Variants in NCKAP5 observed in about 807,000 individuals in gnomAD.
NCKAP5 encodes the protein nck-associated protein 5.
NCKAP5 carries 92 observed loss-of-function variants against 167.0 expected under a neutral mutation model. The observed-to-expected ratio is 0.55, with a 90% CI of 0.47 to 0.66. The LOEUF (loss-of-function observed/expected upper bound fraction) is 0.66, where lower values mean the gene tolerates loss of function less well. NCKAP5 is among the 30% of genes least tolerant of loss of function. The pLI is 0.00. For missense variants in NCKAP5, 2,378 were observed against 2,315.0 expected, an observed-to-expected ratio of 1.03 and a Z score of -0.56; for synonymous variants, 891 against 877.4, an observed-to-expected ratio of 1.02 and a Z score of -0.27.
chr2:132,864,354 A>G, intron 10 of NCKAP5, among the ~76,000 whole-genome samples: 1 of 956 alleles, frequency 1.0e-3, no homozygotes, highest in East Asian at 0.5. Context: ...AATATCATGA[A>G]AAAAAAAAAG....
chr2:133,278,045 C>G (rs1035481451), intron 4 of NCKAP5, among the ~76,000 whole-genome samples: 1 of 152,098 alleles, frequency 6.6e-6, no homozygotes, highest in African/African-American at 2.4e-5. Flanking sequence ...GAATAAAAAA[C>G]CACAGGTGAA....
rs529118710 is a variant in NCKAP5, at chr2:133,067,536, C to T, written c.341+62442G>A. Among the ~76,000 whole-genome samples, 95 of 152,274 alleles carry T rather than the reference C, an allele frequency of 6.2e-4. 1 individual carries two copies. Among genetic ancestry groups the T allele is most frequent in the African/African-American group, 1.9e-3 (79 of 41,546 alleles). The stretch of plus-strand genomic sequence containing the variant: ...CAACTCTGGCTTGGTTCAGGAGAGG[C>T]TGATGTCTGAGGAAATCCAATATGG... On this transcript the variant is annotated intron_variant, in intron 6 of 19. Coordinates refer to ENST00000409261, the MANE Select transcript of NCKAP5 (RefSeq NM_207363.3).
At chr2:133,407,219 C>G (rs889155067) in intron 3 of NCKAP5, among the ~76,000 whole-genome samples, 3 of 152,194 alleles carry the variant, frequency 2.0e-5, no homozygotes, top group African/African-American at 7.2e-5. Flanking sequence ...AGGTGCTGAA[C>G]AGTGAAGATT....
At chr2:132,918,182 T>C (rs912459193) in intron 8 of NCKAP5, among the ~76,000 whole-genome samples, 1 of 152,200 alleles carries the variant, frequency 6.6e-6, no homozygotes, top group Admixed American at 6.5e-5. Context: ...ATTCCTTTAA[T>C]ATACTATGCA....
At chr2:133,284,194 A>C (rs942965786) in intron 4 of NCKAP5, among the ~76,000 whole-genome samples, 10 of 152,008 alleles carry the variant, frequency 6.6e-5, no homozygotes, top group African/African-American at 1.9e-4. Context: ...TAATATAAAT[A>C]GAATAAACAT....
At chr2:133,075,441 G>T (rs78110112) in intron 6 of NCKAP5, among the ~76,000 whole-genome samples, 13,446 of 152,130 alleles carry the variant, frequency 0.088, 923 homozygotes, top group African/African-American at 0.18. Context: ...AGGTAAAATC[G>T]AGATAAATGT....
rs574695407 is a variant in NCKAP5, at chr2:133,254,401, T to C, written c.144-40622A>G. ...AAGCATCAGACATGGGAGTGACCCA[T>C]CTCAGATACTTCGACGAGGCTGAGC... On this transcript the variant is annotated intron_variant, in intron 4 of 19. Coordinates refer to ENST00000409261, the MANE Select transcript of NCKAP5 (RefSeq NM_207363.3). 9.2e-5 allele frequency among the ~76,000 whole-genome samples: 14 copies of C among 152,092 alleles called. No homozygotes were observed. The South Asian group carries it at 2.9e-3, about 32-fold the overall frequency.
rs1440090362 is a variant in NCKAP5 at position 133,099,433 on chromosome 2, C to T, written c.341+30545G>A. Among the ~76,000 whole-genome samples the T allele has an allele frequency of 2.6e-5, 4 of 152,106 alleles. No homozygotes were observed. The East Asian group carries it at 7.7e-4, about 29-fold the overall frequency. ...ATTCAAAATAAAGCTAATTTATTTC[C>T]TCCTGTGTTTATCACTGTGCTTCAA... On this transcript the variant is annotated intron_variant, in intron 6 of 19. Transcript: ENST00000409261.
chr2:132,704,927 T>C (rs13386133), intron 19 of NCKAP5, among the ~76,000 whole-genome samples: 13,178 of 152,198 alleles, frequency 0.087, 1,782 homozygotes, highest in African/African-American at 0.29. Flanking sequence ...GTTTCTCTAG[T>C]CCATTCCCTC....
intron 8 of NCKAP5, among the ~76,000 whole-genome samples, chr2:132,956,449 A>C (rs2076347332): frequency 6.6e-6 from 1 of 152,136 alleles, no homozygotes; most frequent in Admixed American, 6.6e-5. Context: ...TAGACATCTG[A>C]GTTTTTAAAA....
chr2:133,624,026 C>T, the NCKAP5 span, among the ~76,000 whole-genome samples: 1 of 152,016 alleles, frequency 6.6e-6, no homozygotes, highest in African/African-American at 2.4e-5. Context: ...TAAAGTAACT[C>T]AGAAGTGGAA....
the NCKAP5 span, chr2:133,596,528 T>C: frequency 0.66 from 100,161 of 152,140 alleles, 34,285 homozygotes; most frequent in East Asian, 0.94. Flanking sequence ...GGGGGGAGAA[T>C]CAGATTCCAG....
chr2:133,424,568 A>T (rs886944660), intron 3 of NCKAP5, among the ~76,000 whole-genome samples: 2 of 152,234 alleles, frequency 1.3e-5, no homozygotes, highest in Non-Finnish European at 2.9e-5. Flanking sequence ...AAATGTTTTC[A>T]TTAAGTATAG....
At chr2:133,053,209 C>CA (rs2079669286) in intron 6 of NCKAP5, among the ~76,000 whole-genome samples, 2 of 152,136 alleles carry the variant, frequency 1.3e-5, no homozygotes, top group South Asian at 4.1e-4. Flanking sequence ...TATTCGAGAG[C>CA]AGTCAGGTCT....
At chr2:133,184,545 G>A (rs1250604347) in intron 5 of NCKAP5, among the ~76,000 whole-genome samples, 1 of 152,124 alleles carries the variant, frequency 6.6e-6, no homozygotes, top group Non-Finnish European at 1.5e-5. Flanking sequence ...TCTGTAAACT[G>A]CTTTCCACAG....
At chr2:132,860,710 C>T (rs1489618707) in intron 10 of NCKAP5, 99 bp from the exon 11 acceptor site, 65 of 1,373,138 alleles carry the variant, frequency 4.7e-5, no homozygotes, top group East Asian at 1.5e-4. Context: ...TAGTAAAAAA[C>T]GGTATTTTTA....
intron 3 of NCKAP5, among the ~76,000 whole-genome samples, chr2:133,472,324 A>C (rs182634148): frequency 6.6e-6 from 1 of 152,128 alleles, no homozygotes; most frequent in Non-Finnish European, 1.5e-5. Flanking sequence ...CTTATAAATT[A>C]TCTTGTATCT....
In NCKAP5 at chr2:133,456,525, T is replaced by C. The variant is rs182900134; in HGVS notation, c.69+60933A>G. Among the ~76,000 whole-genome samples, 579 of 152,256 alleles carry C rather than the reference T, an allele frequency of 3.8e-3. 4 individuals carry two copies. Among genetic ancestry groups the C allele is most frequent in the African/African-American group, 0.013 (556 of 41,558 alleles). ...ACATCAAGGAGTCATCCATATCACC[T>C]GTAATTCGCCTTCCTCTGCAGTTCA... is the stretch of plus-strand genomic sequence containing the variant. On this transcript the variant is annotated intron_variant, in intron 3 of 19. Transcript: ENST00000409261.
intron 3 of NCKAP5, among the ~76,000 whole-genome samples, chr2:133,511,291 G>A (rs1039486180): frequency 1.3e-5 from 2 of 152,126 alleles, no homozygotes; most frequent in African/African-American, 2.4e-5. Context: ...GCAGCAAGTA[G>A]CACCTGTGGG....
Sources: gnomAD v4.1 joint callset for allele counts (sites outside exome capture counted in the v4.1 genomes callset) on GRCh38, gnomAD v4.1.1 for gene constraint, MANE v1.5 for transcripts, NCBI Gene and HGNC (gene_info 2026-07-23, HGNC 2026-07-21) for gene names.